GRM5: variants seen among roughly 807,000 people sequenced by gnomAD.
GRM5 encodes glutamate metabotropic receptor 5, also known as metabotropic glutamate receptor 5.
In GRM5, 19 loss-of-function variants were observed where a neutral mutation model predicts 83.1. The observed-to-expected ratio is 0.23, with a 90% CI of 0.16 to 0.34. The LOEUF is 0.34. Ranked by LOEUF, GRM5 falls within the 10% of genes least tolerant of loss-of-function variation. The pLI is 1.00. For synonymous variants in GRM5, 675 were observed against 633.6 expected (o/e 1.07, Z -0.98); for missense variants, 1,160 against 1,588.3 (o/e 0.73, Z 4.58).
At position 88,879,932 on chromosome 11, in the gene GRM5, C is replaced by T. The variant is rs528522145; in HGVS notation, c.662-29777G>A. ...GGGTGGGAGGAAACAAAACTAAACA[C>T]TAGCCTTATTATAGAGAAATAGATG... On this transcript the variant is annotated intron_variant, in intron 2 of 9. Transcript: ENST00000305447. 3.0e-4 allele frequency among the ~76,000 whole-genome samples: 46 copies of T among 152,156 alleles called. 1 individual carries two copies. In the South Asian group the frequency reaches 8.3e-3, roughly 27 times the overall value.
intron 3 of GRM5, among the ~76,000 whole-genome samples, chr11:88,703,606 CGGTG>C (rs1051125952): frequency 2.0e-5 from 3 of 152,052 alleles, no homozygotes; most frequent in Non-Finnish European, 1.5e-5. Context: ...GAGAGGGACC[CGGTG>C]GGAGGTAATT....
At chr11:88,820,857 A>G (rs1000699490) in intron 3 of GRM5, among the ~76,000 whole-genome samples, 2 of 152,232 alleles carry the variant, frequency 1.3e-5, no homozygotes, top group Admixed American at 1.3e-4. Flanking sequence ...GAGCACTAAA[A>G]AATAGTTTTT....
intron 2 of GRM5, among the ~76,000 whole-genome samples, chr11:88,895,284 C>T (rs1171568835): frequency 1.3e-5 from 2 of 151,890 alleles, no homozygotes; most frequent in African/African-American, 4.8e-5. Flanking sequence ...ATAGTTTCCT[C>T]ATCAGTAAAG....
chr11:88,996,510 A>G (rs965475810), intron 2 of GRM5, among the ~76,000 whole-genome samples: 1 of 152,216 alleles, frequency 6.6e-6, no homozygotes, highest in African/African-American at 2.4e-5. Flanking sequence ...ACCAACAACA[A>G]ATCTTCTAGT....
intron 9 of GRM5, among the ~76,000 whole-genome samples, chr11:88,518,412 T>C (rs1941584459): frequency 6.6e-6 from 1 of 152,032 alleles, no homozygotes; most frequent in Non-Finnish European, 1.5e-5. Flanking sequence ...TACATAATTT[T>C]GATGCTATGT....
chr11:88,780,701 A>C (rs2135462432), intron 3 of GRM5, among the ~76,000 whole-genome samples: 1 of 151,654 alleles, frequency 6.6e-6, no homozygotes, highest in South Asian at 2.1e-4. Context: ...TTTATTAAAA[A>C]ATGTTGTAAA....
chr11:88,749,375 G>A (rs779000213), intron 3 of GRM5, among the ~76,000 whole-genome samples: 8 of 152,088 alleles, frequency 5.3e-5, no homozygotes, highest in Non-Finnish European at 8.8e-5. Flanking sequence ...AAATTTGACA[G>A]ACAGACAAGA....
intron 4 of GRM5, among the ~76,000 whole-genome samples, chr11:88,616,675 G>A (rs540793727): frequency 5.9e-5 from 9 of 152,096 alleles, no homozygotes; most frequent in East Asian, 1.9e-4. Context: ...GTAAGTAGAC[G>A]GATTAGAGTG....
At chr11:89,028,738 A>G (rs562685592) in intron 2 of GRM5, among the ~76,000 whole-genome samples, 38 of 152,336 alleles carry the variant, frequency 2.5e-4, no homozygotes, top group African/African-American at 9.1e-4. Flanking sequence ...TCTCTAAAAG[A>G]ATTGGTTGAT....
chr11:89,011,233 A>T (rs527571329), intron 2 of GRM5, among the ~76,000 whole-genome samples: 80 of 151,920 alleles, frequency 5.3e-4, no homozygotes, highest in African/African-American at 1.9e-3. Flanking sequence ...GTAATTCTTC[A>T]TGAGCTTTAC....
chr11:88,620,223 G>T (rs1938596526), intron 4 of GRM5, among the ~76,000 whole-genome samples: 1 of 152,186 alleles, frequency 6.6e-6, no homozygotes, highest in Non-Finnish European at 1.5e-5. Context: ...GCTAACATTT[G>T]TCATGTTTAT....
chr11:88,604,552 G>A lies in GRM5; in HGVS notation c.1394+166C>T, dbSNP rs938739557. Among the ~76,000 whole-genome samples, 2 of 152,146 alleles carry A rather than the reference G, an allele frequency of 1.3e-5. 1 individual carries two copies. The highest frequency in any genetic ancestry group is 4.1e-4 in the South Asian group (2 of 4,826). ...ACAAATGCTTTTTTCCTGGCCACAG[G>A]AAATGGGGCTTCTTCTCTCTATCTT... On this transcript the variant is annotated intron_variant, in intron 5 of 9. Transcript: ENST00000305447.
intron 4 of GRM5, among the ~76,000 whole-genome samples, chr11:88,644,022 T>C (rs2135290614): frequency 6.6e-6 from 1 of 152,352 alleles, no homozygotes; most frequent in African/African-American, 2.4e-5. Flanking sequence ...CTAACCTTTT[T>C]GAATATAAAC....
At chr11:88,566,457 T>G (rs1942876495) in intron 8 of GRM5, among the ~76,000 whole-genome samples, 1 of 152,234 alleles carries the variant, frequency 6.6e-6, no homozygotes, top group African/African-American at 2.4e-5. Flanking sequence ...TGTTTTTATG[T>G]GCAAAGTCAC....
intron 3 of GRM5, among the ~76,000 whole-genome samples, chr11:88,683,301 G>T (rs1940540858): frequency 6.6e-6 from 1 of 152,110 alleles, no homozygotes; most frequent in Non-Finnish European, 1.5e-5. Context: ...CTGATTACTT[G>T]GTTTGCACTC....
chr11:88,949,944 A>C (rs1193240216), intron 2 of GRM5, among the ~76,000 whole-genome samples: 1 of 152,100 alleles, frequency 6.6e-6, no homozygotes, highest in Admixed American at 6.5e-5. Context: ...AGCTCACTGC[A>C]ACCTCTGGCT....
intron 3 of GRM5, among the ~76,000 whole-genome samples, chr11:88,766,967 G>A (rs145141047): frequency 4.6e-4 from 70 of 151,864 alleles, no homozygotes; most frequent in Middle Eastern, 3.4e-3. Flanking sequence ...ATCACTAATC[G>A]TTAGAAAAAT....
intron 2 of GRM5, among the ~76,000 whole-genome samples, chr11:88,947,672 A>T (rs546562698): frequency 6.6e-6 from 1 of 152,254 alleles, no homozygotes; most frequent in Non-Finnish European, 1.5e-5. Context: ...TTAATAAAAT[A>T]ATATAATCCA....
At chr11:88,918,232 A>C (rs961118884) in intron 2 of GRM5, among the ~76,000 whole-genome samples, 3 of 151,904 alleles carry the variant, frequency 2.0e-5, no homozygotes, top group African/African-American at 7.2e-5. Context: ...AACAAACAAA[A>C]AAATCTTTTA....
Sources: gnomAD v4.1 joint callset for allele counts (sites outside exome capture counted in the v4.1 genomes callset) on GRCh38, gnomAD v4.1.1 for gene constraint, MANE v1.5 for transcripts, NCBI Gene and HGNC (gene_info 2026-07-23, HGNC 2026-07-21) for gene names.